CCDC171: variants seen among roughly 807,000 people sequenced by gnomAD.
CCDC171 encodes coiled-coil domain-containing protein 171.
CCDC171 carries 177 observed loss-of-function variants against 168.2 expected under a neutral mutation model. The ratio of observed to expected loss-of-function variants is 1.05; its 90% CI spans 0.93 to 1.19. The LOEUF is 1.19. Ranked by LOEUF, CCDC171 falls within the 50% of genes most tolerant of loss-of-function variation. The pLI, the probability that CCDC171 is intolerant of heterozygous loss-of-function variation, is 0.00. For missense variants in CCDC171, 1,991 were observed against 1,539.0 expected (o/e 1.29, Z -4.91); for synonymous variants, 687 against 540.8 (o/e 1.27, Z -3.75).
chr9:15,587,633 G>T, intron 4 of CCDC171: 1 of 456,702 alleles, frequency 2.2e-6, no homozygotes, highest in Non-Finnish European at 4.4e-6. Context: ...GAGCCATCCA[G>T]ATCCTTCTCC....
intron 9 of CCDC171, among the ~76,000 whole-genome samples, chr9:15,670,187 G>T (rs1174987664): frequency 1.3e-5 from 2 of 151,820 alleles, no homozygotes; most frequent in Non-Finnish European, 2.9e-5. Context: ...TTTTTTGTCC[G>T]CCAGAATGCT....
rs180840459 is a variant in CCDC171, at chr9:15,629,873, C to A, written c.822+6460C>A. Among the ~76,000 whole-genome samples the A allele has an allele frequency of 1.4e-4, 21 of 152,306 alleles. No individual in the cohort carries two copies. In the East Asian group the frequency reaches 3.9e-3, roughly 28 times the overall value. On this transcript the variant is annotated intron_variant, in intron 7 of 25. Transcript: ENST00000380701. ...CCAGAAGAGAGTGGGGGCCAATATT[C>A]AACATTCTTAAAGAAAAAAATTTTC...
chr9:15,718,629 ACT>A (rs376430592), intron 11 of CCDC171, among the ~76,000 whole-genome samples: 84 of 152,270 alleles, frequency 5.5e-4, no homozygotes, highest in African/African-American at 1.9e-3. Context: ...GCACAGAGAG[ACT>A]CTGTTTGGGA....
intron 23 of CCDC171, among the ~76,000 whole-genome samples, chr9:15,857,801 T>C (rs2061403338): frequency 3.3e-5 from 5 of 151,916 alleles, no homozygotes; most frequent in Admixed American, 3.3e-4. Flanking sequence ...CCCCATTGTG[T>C]CTTCTTTGCA....
chr9:16,055,651 G>C (rs1586867038), intron 1 of CCDC171, among the ~76,000 whole-genome samples: 1 of 152,226 alleles, frequency 6.6e-6, no homozygotes, highest in Non-Finnish European at 1.5e-5. Context: ...GTAATTTCTT[G>C]ATGCCTATCC....
At chr9:15,686,951 GATAC>G (rs2133584759) in intron 10 of CCDC171, among the ~76,000 whole-genome samples, 1 of 152,258 alleles carries the variant, frequency 6.6e-6, no homozygotes, top group South Asian at 2.1e-4. Context: ...AGCAAAAGAA[GATAC>G]ATTCTTCTCA....
chr9:15,625,191 A>T (rs1405209987), intron 7 of CCDC171, among the ~76,000 whole-genome samples: 1 of 152,094 alleles, frequency 6.6e-6, no homozygotes, highest in Non-Finnish European at 1.5e-5. Context: ...AATTTGTTTA[A>T]GTTCTTTGTA....
chr9:15,650,810 C>T (rs1056721557), intron 7 of CCDC171, among the ~76,000 whole-genome samples: 4 of 152,034 alleles, frequency 2.6e-5, no homozygotes, highest in African/African-American at 4.8e-5. Context: ...TATCAAGTCA[C>T]TAGTTAGGCT....
intron 7 of CCDC171, among the ~76,000 whole-genome samples, chr9:15,647,846 G>A (rs1259783072): frequency 6.6e-6 from 1 of 152,110 alleles, no homozygotes; most frequent in Non-Finnish European, 1.5e-5. Flanking sequence ...CATTCCTTTT[G>A]AAACTATTCC....
chr9:15,887,885 C>G (rs957692138), intron 24 of CCDC171: 14 of 152,274 alleles, frequency 9.2e-5, no homozygotes, highest in African/African-American at 3.4e-4. Flanking sequence ...CTCTTACAAC[C>G]TGCTTTCTAT....
chr9:15,557,704 C>G (rs1414457742), intron 1 of CCDC171, among the ~76,000 whole-genome samples: 20 of 152,260 alleles, frequency 1.3e-4, no homozygotes, highest in Non-Finnish European at 2.8e-4. Context: ...TTGACTTCCT[C>G]TTTTCCTCAT....
At chr9:16,100,330 C>T in the CCDC171 span, among the ~76,000 whole-genome samples, 18 of 152,260 alleles carry the variant, frequency 1.2e-4, no homozygotes, top group East Asian at 1.5e-3. Flanking sequence ...CGAGTAAAAA[C>T]GCCATGCATA....
chr9:15,700,386 G>T (rs1400617483), intron 11 of CCDC171, among the ~76,000 whole-genome samples: 2 of 152,232 alleles, frequency 1.3e-5, no homozygotes, highest in Admixed American at 1.3e-4. Context: ...TGGCCTGCAA[G>T]CGCTGCGCGC....
intron 7 of CCDC171, among the ~76,000 whole-genome samples, 183 bp from the exon 8 acceptor site, chr9:15,656,944 A>T (rs990333185): frequency 1.3e-5 from 2 of 152,248 alleles, no homozygotes; most frequent in South Asian, 2.1e-4. Flanking sequence ...GTAAAGAAAA[A>T]AAAGCAGGCT....
At chr9:16,031,782 T>C (rs1291916363) in intron 6 of CCDC171, among the ~76,000 whole-genome samples, 1 of 152,124 alleles carries the variant, frequency 6.6e-6, no homozygotes, top group Non-Finnish European at 1.5e-5. Context: ...TTGATGAGGC[T>C]CAACTAGGGG....
At chr9:15,995,698 C>T (rs1178596824) in intron 3 of CCDC171, among the ~76,000 whole-genome samples, 1 of 152,184 alleles carries the variant, frequency 6.6e-6, no homozygotes, top group Non-Finnish European at 1.5e-5. Flanking sequence ...TTATTTGTTG[C>T]TTCATGATCA....
chr9:15,965,952 A>T (rs1035651899), intron 25 of CCDC171, among the ~76,000 whole-genome samples: 1 of 152,214 alleles, frequency 6.6e-6, no homozygotes, highest in Non-Finnish European at 1.5e-5. Flanking sequence ...ATAACAAAAT[A>T]ACAATAAAAC....
rs185306592 is a variant in CCDC171 at position 15,560,215 on chromosome 9, C to T, written c.-111-3763C>T. Among the ~76,000 whole-genome samples the T allele has an allele frequency of 1.5e-3, 231 of 152,020 alleles. 2 individuals are homozygous for T. In the East Asian group the frequency reaches 0.025, roughly 16 times the overall value. On this transcript the variant is annotated intron_variant, in intron 1 of 25. Transcript: ENST00000380701. Reference sequence around the variant, plus strand: ...CTGACAATTATGTGTCTTGGAGTTGCTCTTCTTGTGGAGTATCTTTGTGGC... The same window carrying T: ...CTGACAATTATGTGTCTTGGAGTTGTTCTTCTTGTGGAGTATCTTTGTGGC...
chr9:15,718,171 T>C (rs2053214475), intron 11 of CCDC171, among the ~76,000 whole-genome samples: 1 of 152,166 alleles, frequency 6.6e-6, no homozygotes, highest in Admixed American at 6.5e-5. Flanking sequence ...TCTTGGACCT[T>C]GAGTGAGCCT....
Sources: gnomAD v4.1 joint callset for allele counts (sites outside exome capture counted in the v4.1 genomes callset) on GRCh38, gnomAD v4.1.1 for gene constraint, MANE v1.5 for transcripts, NCBI Gene and HGNC (gene_info 2026-07-23, HGNC 2026-07-21) for gene names.